TTC23L: variants seen among roughly 807,000 people sequenced by gnomAD.
TTC23L encodes tetratricopeptide repeat domain 23 like.
In TTC23L, 42 loss-of-function variants were observed where a neutral mutation model predicts 48.1. That is an observed-to-expected ratio of 0.87 (90% CI 0.68 to 1.13). TTC23L has a LOEUF of 1.13. Ranked by LOEUF, TTC23L falls within the 50% of genes most tolerant of loss-of-function variation. The pLI is 0.00. For missense variants in TTC23L, 391 were observed against 421.0 expected (o/e 0.93, Z 0.62); for synonymous variants, 159 against 157.2 (o/e 1.01, Z -0.09).
At chr5:34,872,800 C>T (rs960787338) in intron 8 of TTC23L, among the ~76,000 whole-genome samples, 8 of 152,164 alleles carry the variant, frequency 5.3e-5, no homozygotes, top group African/African-American at 1.9e-4. Context: ...GAGTGGCTCA[C>T]GCCTGTAATC....
intron 9 of TTC23L, among the ~76,000 whole-genome samples, chr5:34,883,957 A>C (rs886154564): frequency 2.0e-5 from 3 of 152,234 alleles, no homozygotes; most frequent in Non-Finnish European, 4.4e-5. Context: ...ACACTACAAG[A>C]ACACTACAGG....
chr5:34,841,530 C>A (rs907075029), intron 2 of TTC23L, among the ~76,000 whole-genome samples: 1 of 152,088 alleles, frequency 6.6e-6, no homozygotes, highest in Non-Finnish European at 1.5e-5. Context: ...TGTTTTGTTT[C>A]GTTTTTAGAG....
At chr5:34,918,253 T>C in the TTC23L span, 2,071 of 543,926 alleles carry the variant, frequency 3.8e-3, 6 homozygotes, top group Non-Finnish European at 5.4e-3. Context: ...AACTTGAAAC[T>C]GCAGTGAGCC....
the TTC23L span, chr5:34,925,564 T>C: frequency 1.5e-6 from 2 of 1,327,080 alleles, no homozygotes; most frequent in Non-Finnish European, 2.1e-6. Context: ...TAAATACTTT[T>C]ATTATCTAAT....
At chr5:34,908,426 C>T in the TTC23L span, 221 of 162,256 alleles carry the variant, frequency 1.4e-3, no homozygotes, top group African/African-American at 4.4e-3. Flanking sequence ...CCGCCCACCT[C>T]GGCTTCCCAA....
chr5:34,841,053 A>G (rs1758625299), intron 2 of TTC23L, among the ~76,000 whole-genome samples: 1 of 152,144 alleles, frequency 6.6e-6, no homozygotes, highest in Non-Finnish European at 1.5e-5. Context: ...AAAAAAAATA[A>G]AATAAAATAA....
chr5:34,873,932 A>G (rs1425668084), intron 8 of TTC23L, among the ~76,000 whole-genome samples: 1 of 152,220 alleles, frequency 6.6e-6, no homozygotes, highest in Non-Finnish European at 1.5e-5. Context: ...ATGCAGACAC[A>G]GGAGTGAACC....
chr5:34,923,419 A>G, the TTC23L span: 1 of 588,438 alleles, frequency 1.7e-6, no homozygotes, highest in Non-Finnish European at 3.0e-6. Flanking sequence ...CTGGGATTAC[A>G]AGCACCCATC....
chr5:34,890,098 A>G (rs1418312473), intron 9 of TTC23L, among the ~76,000 whole-genome samples: 1 of 151,798 alleles, frequency 6.6e-6, no homozygotes, highest in Non-Finnish European at 1.5e-5. Flanking sequence ...CAGCCTCCCT[A>G]GGTGAGTGTT....
chr5:34,859,479 G>A (rs1760400904), intron 4 of TTC23L, among the ~76,000 whole-genome samples: 1 of 152,168 alleles, frequency 6.6e-6, no homozygotes, highest in African/African-American at 2.4e-5. Flanking sequence ...AAGTTCAGGT[G>A]TTGCCACTGT....
At chr5:34,845,463 TC>T in intron 2 of TTC23L, 23 bp from the exon 3 acceptor site, 13 of 1,602,258 alleles carry the variant, frequency 8.1e-6, no homozygotes, top group Non-Finnish European at 1.1e-5. Flanking sequence ...AAATCCTGAA[TC>T]CTTGCCTCTC....
chr5:34,858,155 C>T (rs1212233564), intron 4 of TTC23L, among the ~76,000 whole-genome samples: 2 of 152,166 alleles, frequency 1.3e-5, no homozygotes, highest in Non-Finnish European at 2.9e-5. Flanking sequence ...CCTTGCTGCC[C>T]CTCTGCCTTG....
At chr5:34,893,723 T>C (rs1049974478) in intron 9 of TTC23L, among the ~76,000 whole-genome samples, 2 of 152,166 alleles carry the variant, frequency 1.3e-5, no homozygotes, top group African/African-American at 2.4e-5. Context: ...CATTATTGTA[T>C]TATTTAGGGA....
intron 3 of TTC23L, among the ~76,000 whole-genome samples, chr5:34,848,850 G>A (rs1759440102): frequency 6.6e-6 from 1 of 152,202 alleles, no homozygotes; most frequent in Non-Finnish European, 1.5e-5. Context: ...AAGCCATGGT[G>A]AGGACTTTGA....
At chr5:34,893,382 T>C (rs1762996084) in intron 9 of TTC23L, among the ~76,000 whole-genome samples, 1 of 152,188 alleles carries the variant, frequency 6.6e-6, no homozygotes, top group Admixed American at 6.5e-5. Flanking sequence ...GCTGTTAAGT[T>C]GTTGGCTGTA....
intron 8 of TTC23L, among the ~76,000 whole-genome samples, chr5:34,875,521 T>C (rs572092035): frequency 5.9e-5 from 9 of 152,216 alleles, no homozygotes; most frequent in African/African-American, 2.2e-4. Flanking sequence ...ATTCTCCTGC[T>C]TGCTTTTATC....
chr5:34,864,609 G>A, intron 6 of TTC23L, 47 bp downstream of exon 6: 1 of 1,576,866 alleles, frequency 6.3e-7, no homozygotes, highest in Non-Finnish European at 8.6e-7. Context: ...AATGAGGCTT[G>A]GAATTACATG....
the TTC23L span, chr5:34,920,815 A>G: frequency 6.6e-6 from 1 of 152,164 alleles, no homozygotes. Flanking sequence ...TAAGACCAGT[A>G]AGAAACAAAA....
rs745957176 is a variant in TTC23L, at chr5:34,866,879, C to T, written c.663-13C>T. ...CTCTCTGTGACTTTCTATTTTCATCCCTTTTCTTGCAGAGCCTCCTTGGCC... is the reference window on the plus strand; with the variant it reads ...CTCTCTGTGACTTTCTATTTTCATCTCTTTTCTTGCAGAGCCTCCTTGGCC... On this transcript the variant is annotated splice_polypyrimidine_tract_variant and intron_variant, in intron 6 of 10. Transcript: ENST00000505624. 6.4e-7 allele frequency: 1 copy of T among 1,568,850 alleles called. No homozygotes were observed. The highest frequency in any genetic ancestry group is 1.3e-5 in the African/African-American group (1 of 74,130).
Sources: gnomAD v4.1 joint callset for allele counts (sites outside exome capture counted in the v4.1 genomes callset) on GRCh38, gnomAD v4.1.1 for gene constraint, MANE v1.5 for transcripts, NCBI Gene and HGNC (gene_info 2026-07-23, HGNC 2026-07-21) for gene names.